GRB2: variants seen among roughly 807,000 people sequenced by gnomAD.
The protein encoded by GRB2 is growth factor receptor-bound protein 2.
In GRB2, 2 loss-of-function variants were observed where a neutral mutation model predicts 27.4. The observed-to-expected ratio is 0.07, with a 90% CI of 0.03 to 0.23. GRB2 has a LOEUF of 0.23. Among genes scored for constraint, GRB2 ranks in the 10% least tolerant of loss-of-function variants. GRB2 has a pLI of 1.00. For missense variants in GRB2, 102 were observed against 282.4 expected (o/e 0.36, Z 4.58); for synonymous variants, 94 against 99.6 (o/e 0.94, Z 0.33).
intron 2 of GRB2, among the ~76,000 whole-genome samples, chr17:75,346,429 G>A (rs1175464361): frequency 6.6e-6 from 1 of 151,972 alleles, no homozygotes; most frequent in Non-Finnish European, 1.5e-5. Flanking sequence ...CTGGGAGGCA[G>A]AAGTTGCAGG....
intron 2 of GRB2, among the ~76,000 whole-genome samples, chr17:75,346,153 C>T (rs1460863097): frequency 7.6e-6 from 1 of 131,256 alleles, no homozygotes; most frequent in Non-Finnish European, 1.6e-5. Context: ...GTCTTCCTCT[C>T]GGCCACTGAT....
At chr17:75,358,480 T>C (rs1223345053) in intron 2 of GRB2, among the ~76,000 whole-genome samples, 3 of 152,052 alleles carry the variant, frequency 2.0e-5, no homozygotes, top group Non-Finnish European at 4.4e-5. Flanking sequence ...CTTTGAGTGT[T>C]TGCTGAGTGG....
chr17:75,335,044 T>C (rs1349431124), intron 2 of GRB2, among the ~76,000 whole-genome samples: 1 of 151,964 alleles, frequency 6.6e-6, no homozygotes, highest in Non-Finnish European at 1.5e-5. Flanking sequence ...CGCTCAAGTA[T>C]CCTCCTGCCT....
intron 1 of GRB2, among the ~76,000 whole-genome samples, chr17:75,399,415 T>C (rs1266284754): frequency 3.4e-5 from 5 of 147,026 alleles, no homozygotes; most frequent in African/African-American, 1.3e-4. Flanking sequence ...TCACCCAGGC[T>C]GGAATGCAGT....
At chr17:75,351,284 C>A (rs1326250524) in intron 2 of GRB2, among the ~76,000 whole-genome samples, 2 of 152,108 alleles carry the variant, frequency 1.3e-5, no homozygotes, top group African/African-American at 4.8e-5. Context: ...ACAGGGTGCA[C>A]AGGACCACAC....
At chr17:75,356,484 A>G (rs8065756) in intron 2 of GRB2, among the ~76,000 whole-genome samples, 134,469 of 151,942 alleles carry the variant, frequency 0.89, 60,360 homozygotes, top group Non-Finnish European at 0.96. Flanking sequence ...CCGCAGCCTA[A>G]GTGACAGGGC....
chr17:75,400,910 A>G (rs1196060028), intron 1 of GRB2, among the ~76,000 whole-genome samples: 1 of 152,040 alleles, frequency 6.6e-6, no homozygotes, highest in Non-Finnish European at 1.5e-5. Context: ...CACACCCTTG[A>G]TCAATATCCA....
At chr17:75,359,030 T>C (rs926145194) in intron 2 of GRB2, among the ~76,000 whole-genome samples, 3 of 146,946 alleles carry the variant, frequency 2.0e-5, no homozygotes, top group African/African-American at 7.5e-5. Context: ...TTCACCAACA[T>C]AGTGAAATTC....
chr17:75,391,521 A>C (rs925201620), intron 2 of GRB2, among the ~76,000 whole-genome samples: 13 of 152,198 alleles, frequency 8.5e-5, no homozygotes, highest in African/African-American at 2.9e-4. Flanking sequence ...AAAAATTTTA[A>C]AAAAAGGCTG....
chr17:75,338,283 T>C (rs1490809230), intron 2 of GRB2, among the ~76,000 whole-genome samples: 1 of 152,004 alleles, frequency 6.6e-6, no homozygotes, highest in Non-Finnish European at 1.5e-5. Flanking sequence ...CAGGCTGGTC[T>C]CGAACTCCTG....
At chr17:75,398,038 C>T (rs1192081271) in intron 1 of GRB2, among the ~76,000 whole-genome samples, 5 of 151,900 alleles carry the variant, frequency 3.3e-5, no homozygotes, top group African/African-American at 7.3e-5. Flanking sequence ...GATGGGGTTT[C>T]GCCATGTTGG....
chr17:75,324,666 T>C (rs1424386189), intron 4 of GRB2, among the ~76,000 whole-genome samples: 6 of 151,832 alleles, frequency 4.0e-5, no homozygotes, highest in Non-Finnish European at 8.8e-5. Context: ...TACAGGTGTG[T>C]GCCACTATGC....
rs116214756 is a variant in GRB2, at chr17:75,365,622, C to T, written c.78+27929G>A. 4.6e-3 allele frequency among the ~76,000 whole-genome samples: 687 copies of T among 150,538 alleles called. 8 individuals carry two copies. The highest frequency in any genetic ancestry group is 0.016 in the African/African-American group (643 of 40,892). On this transcript the variant is annotated intron_variant, in intron 2 of 5. Transcript: ENST00000316804. ...ACATCTGGTACAATCTATACCAAAGCGAAAAAGTTCAAATTAAAGTACAAC... is the reference window on the plus strand; with the variant it reads ...ACATCTGGTACAATCTATACCAAAGTGAAAAAGTTCAAATTAAAGTACAAC...
intron 2 of GRB2, among the ~76,000 whole-genome samples, chr17:75,390,636 T>C (rs968161761): frequency 6.6e-6 from 1 of 152,230 alleles, no homozygotes; most frequent in Non-Finnish European, 1.5e-5. Flanking sequence ...AAAATGCTTT[T>C]ATTTTTTCCT....
chr17:75,363,302 T>C (rs1052469710), intron 2 of GRB2, among the ~76,000 whole-genome samples: 8 of 152,142 alleles, frequency 5.3e-5, no homozygotes, highest in Non-Finnish European at 1.2e-4. Context: ...ACAGGTCACC[T>C]CTAAAATCAG....
intron 2 of GRB2, among the ~76,000 whole-genome samples, chr17:75,377,313 C>T (rs1201136847): frequency 6.6e-6 from 1 of 151,938 alleles, no homozygotes; most frequent in Non-Finnish European, 1.5e-5. Flanking sequence ...CAGAATGAGA[C>T]CCCATGTTTA....
At chr17:75,380,346 T>A (rs1159521293) in intron 2 of GRB2, among the ~76,000 whole-genome samples, 5 of 142,944 alleles carry the variant, frequency 3.5e-5, no homozygotes, top group African/African-American at 8.0e-5. Context: ...TAGCTTGTAG[T>A]AAAAAAAAAA....
intron 2 of GRB2, among the ~76,000 whole-genome samples, chr17:75,368,685 C>T (rs764683849): frequency 3.3e-5 from 5 of 152,128 alleles, no homozygotes; most frequent in East Asian, 1.9e-4. Flanking sequence ...GCAGGGACTA[C>T]GGGCACATGC....
At position 75,359,162 on chromosome 17, in the gene GRB2, CAAAAAAAAA is replaced by C. The variant is rs3082676; in HGVS notation, c.79-26374_79-26366del. Among the ~76,000 whole-genome samples, 22 of 64,716 alleles carry C rather than the reference CAAAAAAAAA, an allele frequency of 3.4e-4. No individual in the cohort carries two copies. In the South Asian group the frequency reaches 0.012, roughly 34 times the overall value. 42.5% of individuals were successfully genotyped at this position (64,716 alleles called of 152,430 possible). On this transcript the variant is annotated intron_variant, in intron 2 of 5. Coordinates refer to ENST00000316804, the MANE Select transcript of GRB2 (RefSeq NM_002086.5). Reference sequence around the variant, plus strand: ...CCCAGGAGGGTTTGAGACTACATCTCAAAAAAAAAAAAAAAAAAAAAAAAGAGGAATAAT... The same window carrying C: ...CCCAGGAGGGTTTGAGACTACATCTCAAAAAAAAAAAAAAAGAGGAATAAT...
Sources: gnomAD v4.1 joint callset for allele counts (sites outside exome capture counted in the v4.1 genomes callset) on GRCh38, gnomAD v4.1.1 for gene constraint, MANE v1.5 for transcripts, NCBI Gene and HGNC (gene_info 2026-07-23, HGNC 2026-07-21) for gene names.